Variants in ANKRD6 observed in about 807,000 individuals in gnomAD.
ANKRD6 encodes the protein ankyrin repeat domain-containing protein 6.
In ANKRD6, 56 loss-of-function variants were observed where a neutral mutation model predicts 82.3. That is an observed-to-expected ratio of 0.68 (90% confidence interval 0.55 to 0.85). The LOEUF (loss-of-function observed/expected upper bound fraction) is 0.85, where lower values mean the gene tolerates loss of function less well. ANKRD6 is among the 40% of genes least tolerant of loss of function. ANKRD6 has a pLI of 0.00. For missense variants in ANKRD6, 852 were observed against 907.6 expected, an observed-to-expected ratio of 0.94 and a Z score of 0.79; for synonymous variants, 347 against 352.1, an observed-to-expected ratio of 0.99 and a Z score of 0.16.
intron 1 of ANKRD6, among the ~76,000 whole-genome samples, chr6:89,524,636 G>C (rs1346198642): frequency 6.6e-6 from 1 of 152,160 alleles, no homozygotes; most frequent in Non-Finnish European, 1.5e-5. Context: ...TGATTGATGG[G>C]CATTTAGGCT....
Position 89,606,009 on chromosome 6 carries a change from TG to T in ANKRD6, c.324del (p.Asn109IlefsTer109). 6.3e-7 allele frequency: 1 copy of T among 1,580,826 alleles called. No homozygotes were observed. The highest frequency in any genetic ancestry group is 8.6e-7 in the Non-Finnish European group (1 of 1,159,536). ...GCALDRQDKDGNTALHEASWH... is the reference protein window; with the variant it reads ...GCALDRQDKDXNTALHEASWH... ...TCCCACCTGTGTGTCTTCCTTAGGA[TG>T]GGAATACAGCCTTGCATGAAGCATC... On this transcript the variant is annotated frameshift_variant, in exon 5 of 16. Transcript: ENST00000339746. LOFTEE classifies it high-confidence loss of function.
At chr6:89,500,119 C>CCCACAGCTGG (rs1175267215) in intron 1 of ANKRD6, among the ~76,000 whole-genome samples, 1 of 152,108 alleles carries the variant, frequency 6.6e-6, no homozygotes, top group African/African-American at 2.4e-5. Flanking sequence ...GCTCTTTTAT[C>CCCACAGCTGG]TTGCTCCAGT....
intron 1 of ANKRD6, among the ~76,000 whole-genome samples, chr6:89,501,060 C>T (rs184876322): frequency 6.8e-4 from 102 of 149,372 alleles, no homozygotes; most frequent in African/African-American, 1.9e-3. Context: ...CTCATCAAGA[C>T]GGGGCTTGCA....
At chr6:89,609,835 C>A (rs531832580) in intron 5 of ANKRD6, among the ~76,000 whole-genome samples, 5 of 152,246 alleles carry the variant, frequency 3.3e-5, no homozygotes, top group African/African-American at 9.6e-5. Flanking sequence ...TGGTCTTGAT[C>A]TCTTGATCTT....
intron 1 of ANKRD6, among the ~76,000 whole-genome samples, chr6:89,495,231 T>TCAAAA (rs61057432): frequency 0.019 from 2,889 of 152,098 alleles, 53 homozygotes; most frequent in East Asian, 0.06. Flanking sequence ...AGACTCCATC[T>TCAAAA]CAAAACAAAA....
intron 2 of ANKRD6, among the ~76,000 whole-genome samples, chr6:89,594,310 C>T (rs753994604): frequency 3.3e-5 from 5 of 152,048 alleles, no homozygotes; most frequent in Admixed American, 2.0e-4. Context: ...AAAAAATTGG[C>T]TGGGCATGGT....
chr6:89,510,524 A>G (rs575664886), intron 1 of ANKRD6, among the ~76,000 whole-genome samples: 5 of 152,244 alleles, frequency 3.3e-5, no homozygotes, highest in South Asian at 2.1e-4. Flanking sequence ...TGCTAATTCA[A>G]CAGCTTTATT....
chr6:89,630,352 A>G, intron 15 of ANKRD6, 81 bp from the exon 16 acceptor site: 3 of 1,492,630 alleles, frequency 2.0e-6, no homozygotes, highest in Non-Finnish European at 2.7e-6. Flanking sequence ...AGGATCCTTA[A>G]GACTCTAAAA....
At chr6:89,494,817 C>G (rs1778405741) in intron 1 of ANKRD6, among the ~76,000 whole-genome samples, 1 of 152,196 alleles carries the variant, frequency 6.6e-6, no homozygotes. Context: ...AAAAATAAAA[C>G]ACCCACAAGG....
At chr6:89,599,436 T>C (rs1796597498) in intron 3 of ANKRD6, among the ~76,000 whole-genome samples, 1 of 152,170 alleles carries the variant, frequency 6.6e-6, no homozygotes, top group South Asian at 2.1e-4. Flanking sequence ...CTCTACCTTT[T>C]CCCAGCATTT....
At chr6:89,618,079 A>G (rs1802060378) in intron 9 of ANKRD6, 48 bp downstream of exon 9, 1 of 1,598,088 alleles carries the variant, frequency 6.3e-7, no homozygotes, top group African/African-American at 1.3e-5. Context: ...GGGACTACAA[A>G]GTTGTTGGGA....
At chr6:89,623,573 G>T in intron 11 of ANKRD6, 29 bp downstream of exon 11, 1 of 1,565,330 alleles carries the variant, frequency 6.4e-7, no homozygotes, top group Non-Finnish European at 8.7e-7. Flanking sequence ...CAGCCCAGAG[G>T]GGTGGCTGGG....
At chr6:89,541,597 T>G (rs1784458434) in intron 1 of ANKRD6, among the ~76,000 whole-genome samples, 2 of 151,902 alleles carry the variant, frequency 1.3e-5, no homozygotes, top group African/African-American at 4.8e-5. Flanking sequence ...TTTCACTGTG[T>G]TGGCCAGGCT....
At position 89,629,238 on chromosome 6, in the gene ANKRD6, G is replaced by A; in HGVS notation, c.1612G>A (p.Gly538Ser). The change falls in exon 15 of 16, where the codon GGT becomes AGT. Residue 538 changes from glycine (G) to serine (S), a missense_variant and splice_region_variant. Physicochemically the swap from Gly to Ser is moderately conservative, Grantham distance 56. Transcript: ENST00000339746. ...STPSTCESST[G>S]VDQLVVTAGP... The stretch of plus-strand genomic sequence containing the variant: ...ACCATCTACTTGTGAGTCCTCTACA[G>A]GTAACCCACACACAGAGAGCCCTTT... 1 of 1,613,752 alleles carries A rather than the reference G, an allele frequency of 6.2e-7. No homozygotes were observed. Among genetic ancestry groups the A allele is most frequent in the Non-Finnish European group, 8.5e-7 (1 of 1,179,830 alleles).
chr6:89,613,677 T>G, intron 6 of ANKRD6, 115 bp from the exon 7 acceptor site: 3 of 927,632 alleles, frequency 3.2e-6, no homozygotes, highest in Non-Finnish European at 4.9e-6. Flanking sequence ...CTGCTTATGA[T>G]TCCCTAAAGA....
intron 1 of ANKRD6, among the ~76,000 whole-genome samples, chr6:89,506,809 G>A (rs1779923244): frequency 6.6e-6 from 1 of 152,188 alleles, no homozygotes; most frequent in South Asian, 2.1e-4. Flanking sequence ...GCAAGGTGTG[G>A]AGCCTGAAAA....
chr6:89,514,635 T>TA (rs1402604810), intron 1 of ANKRD6, among the ~76,000 whole-genome samples: 2 of 152,228 alleles, frequency 1.3e-5, no homozygotes, highest in African/African-American at 2.4e-5. Context: ...GGATTACCAA[T>TA]AATTTATAGT....
intron 1 of ANKRD6, among the ~76,000 whole-genome samples, chr6:89,555,182 C>T (rs1402940894): frequency 2.0e-5 from 3 of 146,780 alleles, no homozygotes; most frequent in Non-Finnish European, 4.5e-5. Flanking sequence ...TCTCAACTCT[C>T]CCGCTTGTCC....
At chr6:89,615,908 T>G (rs188042380) in intron 7 of ANKRD6, among the ~76,000 whole-genome samples, 12 of 152,370 alleles carry the variant, frequency 7.9e-5, no homozygotes, top group Non-Finnish European at 1.3e-4. Flanking sequence ...ATTTCTTGTA[T>G]AAAGATAATA....
Sources: allele counts gnomAD v4.1 joint callset (sites outside exome capture counted in the v4.1 genomes callset), GRCh38; gene constraint gnomAD v4.1.1; transcripts MANE v1.5; gene names NCBI Gene and HGNC (gene_info 2026-07-23, HGNC 2026-07-21).